Variants in CCNL2 observed in about 807,000 individuals in gnomAD.
CCNL2 encodes cyclin L2.
In CCNL2, 28 loss-of-function variants were observed where a neutral mutation model predicts 59.1. The observed-to-expected ratio is 0.47, with a 90% CI of 0.35 to 0.65. The LOEUF (loss-of-function observed/expected upper bound fraction) is 0.65, where lower values mean the gene tolerates loss of function less well. Ranked by LOEUF, CCNL2 falls within the 30% of genes least tolerant of loss-of-function variation. CCNL2 has a pLI of 0.00. For missense variants in CCNL2, 714 were observed against 717.4 expected (o/e 1.00, Z 0.05); for synonymous variants, 342 against 288.6 (o/e 1.19, Z -1.88).
rs376963263 is a variant in CCNL2, at chr1:1,399,233, G to A, written c.74C>T (p.Ser25Phe). The change falls in exon 1 of 11, where the codon TCT becomes TTT. Residue 25 changes from serine to phenylalanine, a missense_variant. This residue lies in a region of CCNL2 where 270 missense variants were observed against 254.9 expected (regional missense o/e 1.06). Coordinates refer to ENST00000400809, the MANE Select transcript of CCNL2 (RefSeq NM_030937.6). ...APAAAAGAPG[S>F]GGAPSGSQGV... is the part of the protein sequence containing the mutation. ...CTGCGACCCTGAGGGTGCGCCCCCA[G>A]ATCCCGGGGCGCCGGCCGCTGCCGC... is the stretch of plus-strand genomic sequence containing the variant. 39 of 1,594,454 alleles carry A rather than the reference G, an allele frequency of 2.4e-5. 1 individual carries two copies. In the South Asian group the frequency reaches 3.1e-4, roughly 13 times the overall value.
In CCNL2 at chr1:1,390,505, A is replaced by G. The variant is rs766705248; in HGVS notation, c.818T>C (p.Ile273Thr). The change falls in exon 7 of 11, where the codon ATT becomes ACT. Residue 273 changes from isoleucine (I) to threonine (T), a missense_variant. Ile to Thr is a moderately conservative substitution (Grantham distance 89). Transcript: ENST00000400809. ...FLLFGATEEE[I>T]QEICLKILQL... The stretch of plus-strand genomic sequence containing the variant: ...CAAGATCTTTAAGCAGATTTCCTGA[A>G]TTTCTTCTTCAGTTGCTCCAAACAA... The G allele has an allele frequency of 1.9e-6, 3 of 1,613,800 alleles. No individual in the cohort carries two copies. The South Asian group carries it at 3.3e-5, about 18-fold the overall frequency.
chr1:1,398,425 A>G (rs1645170194), intron 2 of CCNL2, 83 bp from the exon 3 acceptor site: 2 of 1,595,044 alleles, frequency 1.3e-6, no homozygotes, highest in Admixed American at 3.6e-5. Context: ...AGGGCTATTC[A>G]GACCAAAAGG....
rs1285948344 is a variant in CCNL2, at chr1:1,396,190, GAA to G, written c.474-678_474-677del. 1.2e-3 allele frequency among the ~76,000 whole-genome samples: 75 copies of G among 62,714 alleles called. No homozygotes were observed. In the South Asian group the frequency reaches 0.013, roughly 11 times the overall value. The allele number at this position is 62,714 out of a possible 152,430, so 41.1% of individuals were successfully genotyped here. A position where few individuals can be genotyped will look rare whatever the true frequency, so the allele number is the denominator to read the frequency against. On this transcript the variant is annotated intron_variant, in intron 3 of 10. Transcript: ENST00000400809. ...TGAGACACAGTGAGAGTCCGTCTCA[GAA>G]AAAAAAAAAAAAAAAAAGGGCTGGG...
rs1569864899 is a variant in CCNL2, at chr1:1,386,680, C to T, written c.*551G>A. On this transcript the variant is annotated 3_prime_UTR_variant, in exon 11 of 11. Coordinates refer to ENST00000400809, the MANE Select transcript of CCNL2 (RefSeq NM_030937.6). ...ACACAAGTTTTAAGCTGACGGGATT[C>T]AAGTTCTGAGTTTTCATACATAGCT... 6.5e-6 allele frequency: 1 copy of T among 152,750 alleles called. No homozygotes were observed. 9.5% of individuals were successfully genotyped at this position (152,750 alleles called of 1,614,324 possible).
intron 3 of CCNL2, 134 bp from the exon 4 acceptor site, chr1:1,395,648 T>C: frequency 5.3e-6 from 7 of 1,315,396 alleles, no homozygotes; most frequent in Non-Finnish European, 5.3e-6. Flanking sequence ...CCACATCCTC[T>C]GATGAACAAA....
chr1:1,390,158 G>A, intron 8 of CCNL2, 72 bp downstream of exon 8: 2 of 1,338,188 alleles, frequency 1.5e-6, no homozygotes, highest in Non-Finnish European at 2.1e-6. Flanking sequence ...ACATACCCCA[G>A]AATGGAGGCG....
At chr1:1,391,264 C>T (rs578189604) in intron 5 of CCNL2, 3 of 1,106,222 alleles carry the variant, frequency 2.7e-6, no homozygotes, top group South Asian at 2.3e-5. Context: ...AATCTAAATG[C>T]TCAAAATCCA....
At chr1:1,398,950 T>C in intron 1 of CCNL2, 69 bp downstream of exon 1, 2 of 1,487,672 alleles carry the variant, frequency 1.3e-6, no homozygotes, top group Non-Finnish European at 1.8e-6. Context: ...CGGGCCCGAC[T>C]CGCCGCCAAC....
chr1:1,395,292 C>T (rs1644957217), intron 4 of CCNL2, 102 bp downstream of exon 4: 1 of 1,345,242 alleles, frequency 7.4e-7, no homozygotes, highest in Non-Finnish European at 1.0e-6. Context: ...CAGGGATGCA[C>T]TCAGTCCTCT....
At chr1:1,397,409 T>C (rs1274707350) in intron 3 of CCNL2, among the ~76,000 whole-genome samples, 1 of 152,116 alleles carries the variant, frequency 6.6e-6, no homozygotes, top group East Asian at 1.9e-4. Context: ...AACCTCCTTT[T>C]TCAGTCTCCC....
chr1:1,387,300 C>A lies in CCNL2; in HGVS notation c.1494G>T (p.Ser498=). ...GACGGCCTGTGCGTTCATACGACCTCGAGCGCTCTCGTCGCTGATCTCTGT... is the reference window on the plus strand; with the variant it reads ...GACGGCCTGTGCGTTCATACGACCTAGAGCGCTCTCGTCGCTGATCTCTGT... ...HYYRDQRRER[S]RSYERTGRRY... Residue 498 remains serine (S), a synonymous_variant, in exon 11 of 11, where the codon TCG becomes TCT. Coordinates refer to ENST00000400809, the MANE Select transcript of CCNL2 (RefSeq NM_030937.6). 1 of 1,613,622 alleles carries A rather than the reference C, an allele frequency of 6.2e-7. No homozygotes were observed. The highest frequency in any genetic ancestry group is 1.1e-5 in the South Asian group (1 of 91,090).
At chr1:1,389,716 T>C (rs1425841837) in intron 8 of CCNL2, among the ~76,000 whole-genome samples, 1 of 152,036 alleles carries the variant, frequency 6.6e-6, no homozygotes, top group Non-Finnish European at 1.5e-5. Context: ...TCCCAGCACT[T>C]TGGGAGGCTG....
intron 3 of CCNL2, among the ~76,000 whole-genome samples, chr1:1,397,699 CAAATAAA>C (rs1309016077): frequency 6.6e-6 from 1 of 152,038 alleles, no homozygotes; most frequent in Non-Finnish European, 1.5e-5. Flanking sequence ...CCATCTTTAC[CAAATAAA>C]AAATAAAAAT....
At chr1:1,388,765 C>T (rs1199200078) in intron 8 of CCNL2, 18 of 306,586 alleles carry the variant, frequency 5.9e-5, no homozygotes, top group Admixed American at 3.4e-4. Flanking sequence ...AGTAAGACTC[C>T]GTCTCAGAAA....
In CCNL2 at chr1:1,390,337, T is replaced by C. The variant is rs781133716; in HGVS notation, c.899A>G (p.Lys300Arg). 1 of 1,613,940 alleles carries C rather than the reference T, an allele frequency of 6.2e-7. No individual in the cohort carries two copies. Among genetic ancestry groups the C allele is most frequent in the South Asian group, 1.1e-5 (1 of 91,070 alleles). The part of the protein sequence containing the change: ...DLTHLEGEVE[K>R]RKHAIEEAKA... ...TGCCTCTTCGATAGCGTGCTTTCTT[T>C]TTTCCACTTCACCCTCCAGGTGTGT... The change falls in exon 8 of 11, where the codon AAA becomes AGA. Residue 300 changes from lysine to arginine, a missense_variant. Around this residue, in one of 5 missense-constraint regions of CCNL2, gnomAD observed 403 missense variants for 377.7 expected, o/e 1.07. Transcript: ENST00000400809.
chr1:1,391,120 C>T (rs1206135112), intron 5 of CCNL2: 2 of 1,251,418 alleles, frequency 1.6e-6, no homozygotes, highest in African/African-American at 1.5e-5. Context: ...GAATGTCAGA[C>T]AATACGTGTT....
chr1:1,391,348 A>G, intron 5 of CCNL2: 1 of 1,163,378 alleles, frequency 8.6e-7, no homozygotes, highest in Non-Finnish European at 1.1e-6. Context: ...GAGACAAGCC[A>G]TCCTCTTGGG....
intron 8 of CCNL2, among the ~76,000 whole-genome samples, chr1:1,389,928 C>T (rs1338420785): frequency 2.0e-5 from 3 of 152,074 alleles, no homozygotes; most frequent in African/African-American, 7.2e-5. Flanking sequence ...CACTGCACTC[C>T]AGCCTGGGCT....
intron 9 of CCNL2, 32 bp downstream of exon 9, chr1:1,387,922 T>C (rs573790257): frequency 1.2e-6 from 2 of 1,613,484 alleles, no homozygotes; most frequent in African/African-American, 2.7e-5. Context: ...CAGCCAACCC[T>C]GACAGCCACC....
Sources: allele counts gnomAD v4.1 joint callset (sites outside exome capture counted in the v4.1 genomes callset), GRCh38; gene constraint gnomAD v4.1.1; regional missense constraint gnomAD v4.1.1; transcripts MANE v1.5; gene names NCBI Gene and HGNC (gene_info 2026-07-23, HGNC 2026-07-21).